Variants in FOCAD observed in about 807,000 individuals in gnomAD.
FOCAD encodes KIAA1797.
In FOCAD, 198 loss-of-function variants were observed where a neutral mutation model predicts 225.6. That is an observed-to-expected ratio of 0.88 (90% CI 0.78 to 0.99). The LOEUF is 0.99. FOCAD is among the 50% of genes least tolerant of loss of function. The probability of loss-of-function intolerance (pLI) is 0.00; values close to 1 mark genes in which losing one functional copy is unlikely to be tolerated. For synonymous variants in FOCAD, 897 were observed against 755.0 expected (o/e 1.19, Z -3.08); for missense variants, 2,713 against 2,123.6 (o/e 1.28, Z -5.46).
chr9:20,920,058 A>G (rs570754598), intron 24 of FOCAD, among the ~76,000 whole-genome samples: 14 of 151,336 alleles, frequency 9.3e-5, no homozygotes, highest in African/African-American at 3.4e-4. Context: ...TTCTCAACCT[A>G]CTCATCTGAC....
chr9:20,719,679 T>A (rs1453120712), intron 3 of FOCAD, among the ~76,000 whole-genome samples: 1 of 152,016 alleles, frequency 6.6e-6, no homozygotes, highest in Non-Finnish European at 1.5e-5. Context: ...TTATATTTAC[T>A]TATATGTCCT....
chr9:20,749,003 A>G (rs1031536309), intron 5 of FOCAD, among the ~76,000 whole-genome samples: 68 of 152,146 alleles, frequency 4.5e-4, no homozygotes, highest in African/African-American at 1.6e-3. Flanking sequence ...CTATTATCCT[A>G]TTTGTTTGTC....
chr9:20,657,294 C>G (rs1288807449), upstream of FOCAD, among the ~76,000 whole-genome samples: 10 of 118,092 alleles, frequency 8.5e-5, no homozygotes, highest in African/African-American at 3.0e-4. Flanking sequence ...TTGTGGCGTT[C>G]TCTGTATTTC....
chr9:20,866,888 C>CTTTTTTTTGTTTTTTTT, intron 17 of FOCAD, 41 bp from the exon 18 acceptor site: 1 of 341,496 alleles, frequency 2.9e-6, no homozygotes, highest in Non-Finnish European at 4.2e-6. Flanking sequence ...TGTTTGCTTG[C>CTTTTTTTTGTTTTTTTT]TTTTTTTTTT....
chr9:20,814,053 T>C lies in FOCAD; in HGVS notation c.1456-5743T>C, dbSNP rs894154401. ...TTGGTTACCATTTGTATTAAATATC[T>C]TCTCACTTTCAGCCTGTGTGTGTCC... On this transcript the variant is annotated intron_variant, in intron 11 of 43. Transcript: ENST00000338382. Among the ~76,000 whole-genome samples, 6 of 152,330 alleles carry C rather than the reference T, an allele frequency of 3.9e-5. No homozygotes were observed. The East Asian group carries it at 1.2e-3, about 29-fold the overall frequency.
chr9:20,779,918 T>C (rs1448919232), intron 9 of FOCAD, among the ~76,000 whole-genome samples: 1 of 152,164 alleles, frequency 6.6e-6, no homozygotes, highest in African/African-American at 2.4e-5. Context: ...ATTCCTACCC[T>C]GCATTTGGCT....
chr9:20,698,365 TACAC>T (rs532346011), intron 1 of FOCAD, among the ~76,000 whole-genome samples: 26 of 151,812 alleles, frequency 1.7e-4, no homozygotes, highest in African/African-American at 1.9e-4. Context: ...TATATGTGTA[TACAC>T]ACACACACGC....
chr9:20,796,501 G>A (rs145113272), intron 11 of FOCAD, among the ~76,000 whole-genome samples: 3,827 of 152,126 alleles, frequency 0.025, 75 homozygotes, highest in Non-Finnish European at 0.04. Context: ...TTTAATGATC[G>A]CCATTCTAAC....
chr9:20,784,026 G>C (rs1819662821), intron 10 of FOCAD, among the ~76,000 whole-genome samples: 1 of 152,212 alleles, frequency 6.6e-6, no homozygotes, highest in Non-Finnish European at 1.5e-5. Flanking sequence ...CCAAGGCAGA[G>C]TTCCCAAGGA....
chr9:20,741,115 C>T (rs1173945759), intron 5 of FOCAD, among the ~76,000 whole-genome samples: 1 of 152,134 alleles, frequency 6.6e-6, no homozygotes, highest in African/African-American at 2.4e-5. Context: ...TAAAGAAGGG[C>T]ATTGATTCAT....
intron 31 of FOCAD, 70 bp from the exon 32 acceptor site, chr9:20,948,781 T>G: frequency 1.3e-6 from 2 of 1,538,928 alleles, no homozygotes; most frequent in Non-Finnish European, 1.8e-6. Flanking sequence ...CTCCGTGTCC[T>G]CAGAAGTTTT....
At chr9:20,799,263 C>T (rs1821504594) in intron 11 of FOCAD, among the ~76,000 whole-genome samples, 1 of 152,108 alleles carries the variant, frequency 6.6e-6, no homozygotes, top group Non-Finnish European at 1.5e-5. Flanking sequence ...TGCTTTACTT[C>T]CAAGTATGTG....
intron 11 of FOCAD, among the ~76,000 whole-genome samples, chr9:20,800,719 C>T (rs1409907025): frequency 6.6e-6 from 1 of 152,102 alleles, no homozygotes; most frequent in Non-Finnish European, 1.5e-5. Flanking sequence ...AAGGACTTCT[C>T]TGCTTTGGTT....
At chr9:20,779,748 C>T (rs2131089204) in intron 9 of FOCAD, among the ~76,000 whole-genome samples, 1 of 147,644 alleles carries the variant, frequency 6.8e-6, no homozygotes, top group African/African-American at 2.5e-5. Context: ...GAAACTCCGT[C>T]TCAAAAAAAA....
intron 2 of FOCAD, 62 bp downstream of exon 2, chr9:20,715,472 C>A: frequency 3.4e-6 from 3 of 884,588 alleles, no homozygotes; most frequent in Non-Finnish European, 4.8e-6. Flanking sequence ...GGATTTTTAA[C>A]TGAACTTTAT....
chr9:20,810,787 G>T (rs1388701190), intron 11 of FOCAD, among the ~76,000 whole-genome samples: 1 of 152,012 alleles, frequency 6.6e-6, no homozygotes, highest in African/African-American at 2.4e-5. Context: ...GGCCAGGAAG[G>T]GTCGTGGCTA....
chr9:20,892,562 G>A (rs547509385), intron 21 of FOCAD, among the ~76,000 whole-genome samples: 1 of 152,096 alleles, frequency 6.6e-6, no homozygotes, highest in African/African-American at 2.4e-5. Flanking sequence ...AGTAGAATTA[G>A]AAGTAGAGCC....
intron 21 of FOCAD, among the ~76,000 whole-genome samples, chr9:20,906,163 A>T (rs944961210): frequency 2.6e-5 from 4 of 151,988 alleles, no homozygotes; most frequent in Non-Finnish European, 5.9e-5. Context: ...AACATACTAG[A>T]GGCCATGGGA....
chr9:20,925,448 A>G (rs1834849329), intron 25 of FOCAD, among the ~76,000 whole-genome samples: 1 of 152,198 alleles, frequency 6.6e-6, no homozygotes, highest in Admixed American at 6.5e-5. Context: ...ACACAGTCCA[A>G]AGATGAGGCT....
Sources: gnomAD v4.1 joint callset for allele counts (sites outside exome capture counted in the v4.1 genomes callset) on GRCh38, gnomAD v4.1.1 for gene constraint, MANE v1.5 for transcripts, NCBI Gene and HGNC (gene_info 2026-07-23, HGNC 2026-07-21) for gene names.